Variants in BTK observed in about 807,000 individuals in gnomAD.
BTK encodes the protein Bruton tyrosine kinase.
A neutral mutation model predicts 57.4 loss-of-function variants in BTK; 5 were observed. That is an observed-to-expected ratio of 0.09 (90% CI 0.05 to 0.18). The LOEUF is 0.18. Among genes scored for constraint, BTK ranks in the 10% least tolerant of loss-of-function variants. BTK has a pLI of 1.00. For missense variants in BTK, 194 were observed against 501.2 expected, an observed-to-expected ratio of 0.39 and a Z score of 5.85; for synonymous variants, 154 against 174.3, an observed-to-expected ratio of 0.88 and a Z score of 0.92.
chrX:101,382,311 T>TTTTATTTATTTATTTATTTA (rs781942193), intron 1 of BTK, among the ~76,000 whole-genome samples: 3,424 of 104,419 alleles, frequency 0.033, 171 homozygotes, highest in African/African-American at 0.11. Context: ...GCAGTTCATG[T>TTTTATTTATTTATTTATTTA]TTTATTTATT....
upstream of BTK, among the ~76,000 whole-genome samples, chrX:101,389,167 T>TA (rs1927707438): frequency 9.1e-6 from 1 of 110,425 alleles, no homozygotes; most frequent in East Asian, 2.8e-4. Flanking sequence ...ATAGATGTGT[T>TA]AATCAATTTG....
At chrX:101,383,421 C>A (rs187064456) in intron 1 of BTK, among the ~76,000 whole-genome samples, 2 of 111,923 alleles carry the variant, frequency 1.8e-5, no homozygotes, top group African/African-American at 6.5e-5. Context: ...TTTCCAGAAA[C>A]ATTGTCCCAA....
chrX:101,382,475 C>T (rs1382875329), intron 1 of BTK, among the ~76,000 whole-genome samples: 2 of 110,779 alleles, frequency 1.8e-5, no homozygotes, highest in African/African-American at 6.6e-5. Flanking sequence ...TACAGCCGCA[C>T]ACCATGACAC....
At chrX:101,353,461 G>A in intron 17 of BTK, 110 bp from the exon 18 acceptor site, 2 of 862,849 alleles carry the variant, frequency 2.3e-6, no homozygotes, top group Non-Finnish European at 3.4e-6. Flanking sequence ...TCCCCGCTCT[G>A]TGCTTTTTAT....
intron 8 of BTK, 86 bp downstream of exon 8, chrX:101,360,482 G>T: frequency 1.0e-6 from 1 of 986,335 alleles, no homozygotes; most frequent in Non-Finnish European, 1.4e-6. Context: ...TGATGAGGAT[G>T]CTGATCACGG....
Position 101,351,607 on chromosome X carries a change from C to T in BTK, c.1908+1587G>A, listed in dbSNP as rs191927075. ...CAGATTCACATATGCACTTGTTGGACACTCTGAAGAGTTGAGCATTTATTT... is the reference window on the plus strand; with the variant it reads ...CAGATTCACATATGCACTTGTTGGATACTCTGAAGAGTTGAGCATTTATTT... On this transcript the variant is annotated intron_variant, in intron 18 of 18. Coordinates refer to ENST00000308731, the MANE Select transcript of BTK (RefSeq NM_000061.3). Among the ~76,000 whole-genome samples the T allele has an allele frequency of 7.2e-5, 8 of 111,559 alleles. No homozygotes were observed. The East Asian group carries it at 1.4e-3, about 20-fold the overall frequency.
intron 7 of BTK, among the ~76,000 whole-genome samples, chrX:101,361,461 CTACT>C (rs1926666765): frequency 9.5e-6 from 1 of 105,691 alleles, no homozygotes; most frequent in African/African-American, 3.5e-5. Flanking sequence ...AATACCTGCT[CTACT>C]TACTTACAAT....
At chrX:101,357,665 T>G (rs782337341) in intron 12 of BTK, 82 bp from the exon 13 acceptor site, 27 of 763,021 alleles carry the variant, frequency 3.5e-5, no homozygotes, top group Non-Finnish European at 3.7e-5. Flanking sequence ...AGCCTCACAC[T>G]TCCGGTGTGT....
At position 101,353,840 on chromosome X, in the gene BTK, T is replaced by G. The variant is rs782187980; in HGVS notation, c.1750+30A>C. The G allele has an allele frequency of 4.7e-6, 5 of 1,060,334 alleles. No homozygotes were observed. The African/African-American group carries it at 7.4e-5, about 16-fold the overall frequency. The allele number at this position is 1,060,334 out of a possible 1,213,427, so 87.4% of individuals were successfully genotyped here. On this transcript the variant is annotated intron_variant, in intron 17 of 18. Coordinates refer to ENST00000308731, the MANE Select transcript of BTK (RefSeq NM_000061.3). Reference sequence around the variant, plus strand: ...CCATTGCATTTCTTATCCTTTGAGCTGTATAATCTGTGTAATCTTATCCAC... The same window carrying G: ...CCATTGCATTTCTTATCCTTTGAGCGGTATAATCTGTGTAATCTTATCCAC...
At chrX:101,362,946 T>C (rs1926720346) in intron 5 of BTK, 2 of 401,587 alleles carry the variant, frequency 5.0e-6, no homozygotes, top group Non-Finnish European at 8.8e-6. Flanking sequence ...GATAAGACTA[T>C]CTGATGGCTT....
At position 101,357,598 on chromosome X, in the gene BTK, G is replaced by A. The variant is rs1389693076; in HGVS notation, c.1103-15C>T. 1.6e-5 allele frequency: 19 copies of A among 1,191,346 alleles called. No homozygotes were observed. The highest frequency in any genetic ancestry group is 3.0e-5 in the East Asian group (1 of 33,712). On this transcript the variant is annotated splice_polypyrimidine_tract_variant and intron_variant, in intron 12 of 18. Coordinates refer to ENST00000308731, the MANE Select transcript of BTK (RefSeq NM_000061.3). ...GGATATGAGTCCTGAAACAGAGAGA[G>A]AGGTCATGCTGTTGGTGTGGTGTAG...
chrX:101,369,859 T>C (rs1926967381), intron 5 of BTK, 139 bp downstream of exon 5: 17 of 565,778 alleles, frequency 3.0e-5, no homozygotes, highest in Middle Eastern at 5.1e-4. Context: ...TATCCATTTT[T>C]TTCTTCTTTT....
At chrX:101,364,131 G>A (rs183428038) in intron 5 of BTK, among the ~76,000 whole-genome samples, 23 of 108,725 alleles carry the variant, frequency 2.1e-4, no homozygotes, top group Non-Finnish European at 2.1e-4. Flanking sequence ...AAATCCGGCT[G>A]GGTGTGGTGG....
At chrX:101,358,819 A>T in intron 10 of BTK, 123 bp from the exon 11 acceptor site, 1 of 590,246 alleles carries the variant, frequency 1.7e-6, no homozygotes, top group Non-Finnish European at 2.9e-6. Flanking sequence ...TCCACGCTTG[A>T]GCTACAGCCT....
upstream of BTK, among the ~76,000 whole-genome samples, chrX:101,388,586 A>G (rs1170075172): frequency 8.9e-6 from 1 of 112,043 alleles, no homozygotes; most frequent in Non-Finnish European, 1.9e-5. Flanking sequence ...TTAGTTCCCA[A>G]AAAGATCTTG....
chrX:101,379,494 C>G (rs1300448702), intron 1 of BTK, among the ~76,000 whole-genome samples: 3 of 112,340 alleles, frequency 2.7e-5, no homozygotes, highest in Admixed American at 9.4e-5. Flanking sequence ...TTCCTCACAA[C>G]AAACAGATGA....
Position 101,353,189 on chromosome X carries a change from C to T in BTK, c.1908+5G>A. 8.3e-7 allele frequency: 1 copy of T among 1,209,017 alleles called. No individual in the cohort carries two copies. Among genetic ancestry groups the T allele is most frequent in the Non-Finnish European group, 1.1e-6 (1 of 893,901 alleles). The stretch of plus-strand genomic sequence containing the variant: ...TAATTTAAGAGATCCTAATAAAGCA[C>T]TTACCTCATGCCAGCAACTGTACAT... On this transcript the variant is annotated splice_donor_5th_base_variant and intron_variant, in intron 18 of 18. Transcript: ENST00000308731.
In BTK at chrX:101,349,819, CCT is replaced by C; in HGVS notation, c.*64_*65del. On this transcript the variant is annotated 3_prime_UTR_variant, in exon 19 of 19. Coordinates refer to ENST00000308731, the MANE Select transcript of BTK (RefSeq NM_000061.3). Reference sequence around the variant, plus strand: ...TCCAGGGCTCCTAAGCTTGGGATTTCCTCTGAGAAAGTGAAATTGGGGCTTGT... The same window carrying C: ...TCCAGGGCTCCTAAGCTTGGGATTTCCTGAGAAAGTGAAATTGGGGCTTGT... 1 of 1,034,543 alleles carries C rather than the reference CCT, an allele frequency of 9.7e-7. No homozygotes were observed. The highest frequency in any genetic ancestry group is 1.4e-6 in the Non-Finnish European group (1 of 736,049). 85.3% of individuals were successfully genotyped at this position (1,034,543 alleles called of 1,213,427 possible).
At chrX:101,385,068 T>C (rs781949779) in intron 1 of BTK, among the ~76,000 whole-genome samples, 1 of 110,936 alleles carries the variant, frequency 9.0e-6, no homozygotes, top group Admixed American at 9.7e-5. Context: ...AACCACCTTA[T>C]GGGGAAGGTG....
Sources: allele counts gnomAD v4.1 joint callset (sites outside exome capture counted in the v4.1 genomes callset), GRCh38; gene constraint gnomAD v4.1.1; transcripts MANE v1.5; gene names NCBI Gene and HGNC (gene_info 2026-07-23, HGNC 2026-07-21).